The following DUOXA2 variants were observed in gnomAD, a reference collection of about 807,000 sequenced individuals.
The protein encoded by DUOXA2 is dual oxidase maturation factor 2.
DUOXA2 carries 22 observed loss-of-function variants against 27.6 expected under a neutral mutation model. The ratio of observed to expected loss-of-function variants is 0.80; its 90% CI spans 0.57 to 1.14. The LOEUF (loss-of-function observed/expected upper bound fraction) is 1.14. Ranked by LOEUF, DUOXA2 falls within the 50% of genes most tolerant of loss-of-function variation. DUOXA2 has a pLI of 0.00. For missense variants in DUOXA2, 481 were observed against 419.9 expected, an observed-to-expected ratio of 1.15 and a Z score of -1.27; for synonymous variants, 188 against 184.4, an observed-to-expected ratio of 1.02 and a Z score of -0.16.
chr15:45,116,694 C>A lies in DUOXA2; in HGVS notation c.519C>A (p.Tyr173Ter), dbSNP rs61733394. The change falls in exon 4 of 6, where the codon TAC (tyrosine) becomes TAA (stop). Residue 173 changes from tyrosine to a stop codon, truncating the protein, a stop_gained. Transcript: ENST00000323030. LOFTEE classifies it high-confidence loss of function. ...PSSPCGLYHQ[Y>*]HLAGHYASAT... ...GCCCTTGCGGCCTGTACCACCAGTA[C>A]CACCTGGCGGGACACTACGCCTCGG... 2 of 1,613,538 alleles carry A rather than the reference C, an allele frequency of 1.2e-6. No homozygotes were observed. The highest frequency in any genetic ancestry group is 1.7e-5 in the Admixed American group (1 of 60,012).
Position 45,118,129 on chromosome 15 carries a change from T to C in DUOXA2, c.*220T>C. On this transcript the variant is annotated 3_prime_UTR_variant, in exon 6 of 6. Coordinates refer to ENST00000323030, the MANE Select transcript of DUOXA2 (RefSeq NM_207581.4). ...AAACTGTTTTTCCCATTAATTTTCA[T>C]GGCTTCTCCGCGCCGGGGTCGCACG... 3 of 1,444,426 alleles carry C rather than the reference T, an allele frequency of 2.1e-6. No individual in the cohort carries two copies. Among genetic ancestry groups the C allele is most frequent in the Non-Finnish European group, 2.7e-6 (3 of 1,103,804 alleles). 89.5% of individuals were successfully genotyped at this position (1,444,426 alleles called of 1,614,324 possible).
chr15:45,116,922 AC>A, intron 4 of DUOXA2, 168 bp from the exon 5 acceptor site: 1 of 1,037,096 alleles, frequency 9.6e-7, no homozygotes, highest in South Asian at 1.5e-5. Context: ...GACTCCAGCC[AC>A]CGCCTGGACC....
At chr15:45,117,523 G>A (rs1190702126) in intron 5 of DUOXA2, 193 bp from the exon 6 acceptor site, 3 of 1,556,896 alleles carry the variant, frequency 1.9e-6, no homozygotes, top group South Asian at 2.3e-5. Context: ...ATTCAGATTA[G>A]AGGTGTGTGG....
At chr15:45,115,531 G>T (rs1426512138) in intron 1 of DUOXA2, 1 of 643,550 alleles carries the variant, frequency 1.6e-6, no homozygotes, top group Non-Finnish European at 2.9e-6. Context: ...AGCTAGGGGA[G>T]TGAAGGTGGT....
rs1253763328 is a variant in DUOXA2, at chr15:45,115,869, T to C, written c.205+13T>C. 13 of 1,613,802 alleles carry C rather than the reference T, an allele frequency of 8.1e-6. No individual in the cohort carries two copies. Among genetic ancestry groups the C allele is most frequent in the African/African-American group, 1.3e-5 (1 of 74,806 alleles). On this transcript the variant is annotated intron_variant, in intron 2 of 5. Transcript: ENST00000323030. ...GCAGAAATTGTGGGTGAGTGTGTGG[T>C]GCAGCCCATGGGGAGAGGACGGGGT... is the stretch of plus-strand genomic sequence containing the variant.
Position 45,118,122 on chromosome 15 carries a change from A to AT in DUOXA2, c.*217dup. ...TTTTTAAAAACTGTTTTTCCCATTA[A>AT]TTTTCATGGCTTCTCCGCGCCGGGG... On this transcript the variant is annotated 3_prime_UTR_variant, in exon 6 of 6. Coordinates refer to ENST00000323030, the MANE Select transcript of DUOXA2 (RefSeq NM_207581.4). 2.1e-6 allele frequency: 3 copies of AT among 1,449,918 alleles called. No individual in the cohort carries two copies. Among genetic ancestry groups the AT allele is most frequent in the Non-Finnish European group, 2.7e-6 (3 of 1,105,964 alleles). The allele number at this position is 1,449,918 out of a possible 1,614,324, so 89.8% of individuals were successfully genotyped here.
chr15:45,116,655 G>T lies in DUOXA2; in HGVS notation c.480G>T (p.Lys160Asn), dbSNP rs757463764. 10 of 1,613,828 alleles carry T rather than the reference G, an allele frequency of 6.2e-6. No individual in the cohort carries two copies. Among genetic ancestry groups the T allele is most frequent in the Non-Finnish European group, 8.5e-6 (10 of 1,180,036 alleles). The stretch of plus-strand genomic sequence containing the variant: ...ACCCAGTGCTCTACCTGGCGGAGAA[G>T]TTCACACCGAGTAGCCCTTGCGGCC... ...LPDPVLYLAE[K>N]FTPSSPCGLY... The change falls in exon 4 of 6, where the codon AAG (lysine) becomes AAT (asparagine). Residue 160 changes from lysine to asparagine, a missense_variant. Physicochemically the swap from Lys to Asn is moderately conservative, Grantham distance 94. Transcript: ENST00000323030.
Position 45,114,694 on chromosome 15 carries a change from T to C in DUOXA2, c.89T>C (p.Val30Ala), listed in dbSNP as rs1457133199. 2 of 1,614,088 alleles carry C rather than the reference T, an allele frequency of 1.2e-6. No homozygotes were observed. The highest frequency in any genetic ancestry group is 1.3e-5 in the African/African-American group (1 of 74,928). ...FSVPLLIVILVFLALAASFLL... is the reference protein window; with the variant it reads ...FSVPLLIVILAFLALAASFLL... ...GTTCCACTGCTCATCGTTATTCTAG[T>C]GTTTTTGGCTCTAGCAGCAAGCTTC... is the stretch of plus-strand genomic sequence containing the variant. Residue 30 changes from valine (V) to alanine (A), a missense_variant, in exon 1 of 6, where the codon GTG becomes GCG. By Grantham distance (64) the Val-to-Ala change is moderately conservative. Transcript: ENST00000323030.
chr15:45,115,342 T>A, intron 1 of DUOXA2: 1 of 426,840 alleles, frequency 2.3e-6, no homozygotes, highest in Admixed American at 2.7e-5. Context: ...TCTGTGTTGC[T>A]TTCCCTGGAA....
Position 45,114,649 on chromosome 15 carries a change from G to C in DUOXA2, c.44G>C (p.Arg15Pro), listed in dbSNP as rs1462684744. Residue 15 changes from arginine (R) to proline (P), a missense_variant, in exon 1 of 6, where the codon CGG becomes CCG. Transcript: ENST00000323030. ...NGVLPFYPQP[R>P]HAAGFSVPLL... ...GTACTGCCTTTTTACCCCCAGCCCC[G>C]GCATGCCGCAGGCTTCAGCGTTCCA... The C allele has an allele frequency of 1.2e-6, 2 of 1,614,068 alleles. No individual in the cohort carries two copies. Among genetic ancestry groups the C allele is most frequent in the Non-Finnish European group, 1.7e-6 (2 of 1,180,032 alleles).
At position 45,116,698 on chromosome 15, in the gene DUOXA2, C is replaced by G; in HGVS notation, c.523C>G (p.Leu175Val). ...SPCGLYHQYH[L>V]AGHYASATLW... ...TTGCGGCCTGTACCACCAGTACCAC[C>G]TGGCGGGACACTACGCCTCGGCCAC... The change falls in exon 4 of 6, where the codon CTG becomes GTG. Residue 175 changes from leucine to valine, a missense_variant. Transcript: ENST00000323030. 6.2e-7 allele frequency: 1 copy of G among 1,613,668 alleles called. No individual in the cohort carries two copies. The highest frequency in any genetic ancestry group is 8.5e-7 in the Non-Finnish European group (1 of 1,180,056).
chr15:45,116,777 C>T (rs771566398), intron 4 of DUOXA2, 48 bp downstream of exon 4: 1 of 1,597,050 alleles, frequency 6.3e-7, no homozygotes, highest in South Asian at 1.1e-5. Flanking sequence ...GTGCCAGGAG[C>T]TGGGCCGTAT....
chr15:45,118,372 T>C lies in DUOXA2; in HGVS notation c.*463T>C, dbSNP rs1894830601. On this transcript the variant is annotated 3_prime_UTR_variant, in exon 6 of 6. Coordinates refer to ENST00000323030, the MANE Select transcript of DUOXA2 (RefSeq NM_207581.4). ...TCCCCCGTCCTGGATGCCACTCAGC[T>C]AGCCCAGCTGAGTGGGGTGGGAAGG... 1 of 1,114,348 alleles carries C rather than the reference T, an allele frequency of 9.0e-7. No homozygotes were observed. The highest frequency in any genetic ancestry group is 1.1e-6 in the Non-Finnish European group (1 of 911,458). The allele number at this position is 1,114,348 out of a possible 1,614,324, so 69.0% of individuals were successfully genotyped here. A position where few individuals can be genotyped will look rare whatever the true frequency, so the allele number is the denominator to read the frequency against.
intron 4 of DUOXA2, 95 bp downstream of exon 4, chr15:45,116,824 C>CTCGGGG: frequency 6.9e-7 from 1 of 1,442,728 alleles, no homozygotes; most frequent in South Asian, 1.2e-5. Flanking sequence ...CGCTGAGCAG[C>CTCGGGG]TGCAGCCAGA....
rs755589785 is a variant in DUOXA2 at position 45,117,818 on chromosome 15, A to C, written c.872A>C (p.Gln291Pro). ...GACCAAAGCGCCAAGGACTGCAGCC[A>C]GGAGAGAGGGGGCTCACCTCTTATC... ...LLDQSAKDCSQERGGSPLILG... is the reference protein window; with the variant it reads ...LLDQSAKDCSPERGGSPLILG... The change falls in exon 6 of 6, where the codon CAG (glutamine) becomes CCG (proline). Residue 291 changes from glutamine (Q) to proline (P), a missense_variant. By Grantham distance (76) the Gln-to-Pro change is moderately conservative. Coordinates refer to ENST00000323030, the MANE Select transcript of DUOXA2 (RefSeq NM_207581.4). 2.4e-5 allele frequency: 39 copies of C among 1,613,814 alleles called. No individual in the cohort carries two copies. The highest frequency in any genetic ancestry group is 3.2e-5 in the Non-Finnish European group (38 of 1,180,056).
Position 45,117,852 on chromosome 15 carries a change from C to T in DUOXA2, c.906C>T (p.Asp302=), listed in dbSNP as rs748779878. The T allele has an allele frequency of 6.2e-7, 1 of 1,613,720 alleles. No homozygotes were observed. The highest frequency in any genetic ancestry group is 8.5e-7 in the Non-Finnish European group (1 of 1,180,040). Reference sequence around the variant, plus strand: ...GGGGCTCACCTCTTATCCTCGGCGACCCACTGCACAAGCAGGCCGCTCTCC... The same window carrying T: ...GGGGCTCACCTCTTATCCTCGGCGATCCACTGCACAAGCAGGCCGCTCTCC... ...ERGGSPLILG[D]PLHKQAALPD... is the part of the protein sequence containing the mutation. Residue 302 remains aspartate (D), a synonymous_variant, in exon 6 of 6, where the codon GAC becomes GAT. Coordinates refer to ENST00000323030, the MANE Select transcript of DUOXA2 (RefSeq NM_207581.4).
At chr15:45,116,884 C>G in intron 4 of DUOXA2, 155 bp downstream of exon 4, 1 of 1,097,274 alleles carries the variant, frequency 9.1e-7, no homozygotes, top group Non-Finnish European at 1.3e-6. Context: ...AGAAGATCCA[C>G]GAGATCTGCA....
Position 45,116,745 on chromosome 15 carries a change from A to G in DUOXA2, c.554+16A>G, listed in dbSNP as rs541839692. The G allele has an allele frequency of 9.4e-5, 151 of 1,611,418 alleles. 1 individual carries two copies. The Admixed American group carries it at 2.5e-3, about 26-fold the overall frequency. ...CCACGCTATGGTAAGTGCTGGAGGGAAGGCTGTGTGCACGTGTGTGTGTGC... is the reference window on the plus strand; with the variant it reads ...CCACGCTATGGTAAGTGCTGGAGGGGAGGCTGTGTGCACGTGTGTGTGTGC... On this transcript the variant is annotated intron_variant, in intron 4 of 5. Transcript: ENST00000323030.
At position 45,118,409 on chromosome 15, in the gene DUOXA2, G is replaced by A. The variant is rs1052767313; in HGVS notation, c.*500G>A. The A allele has an allele frequency of 6.9e-5, 72 of 1,044,016 alleles. No individual in the cohort carries two copies. Among genetic ancestry groups the A allele is most frequent in the Non-Finnish European group, 7.6e-5 (66 of 868,492 alleles). The allele number at this position is 1,044,016 out of a possible 1,614,324, so 64.7% of individuals were successfully genotyped here. A position where few individuals can be genotyped will look rare whatever the true frequency, so the allele number is the denominator to read the frequency against. On this transcript the variant is annotated 3_prime_UTR_variant, in exon 6 of 6. Coordinates refer to ENST00000323030, the MANE Select transcript of DUOXA2 (RefSeq NM_207581.4). ...GTGGGGTGGGAAGGAATAGCGTTTT[G>A]GAGTTGATTCCCTAACTTCCCACCT...
Sources: allele counts gnomAD v4.1 joint callset, GRCh38; gene constraint gnomAD v4.1.1; transcripts MANE v1.5; gene names NCBI Gene and HGNC (gene_info 2026-07-23, HGNC 2026-07-21).